TAF4B: variants seen among roughly 807,000 people sequenced by gnomAD.
TAF4B encodes TATA-box binding protein associated factor 4b.
Under a neutral mutation model 86.4 loss-of-function variants are expected in TAF4B, and 38 were observed. The observed-to-expected ratio is 0.44, with a 90% CI of 0.34 to 0.58. The LOEUF is 0.58. Among genes scored for constraint, TAF4B ranks in the 20% least tolerant of loss-of-function variants. The probability of loss-of-function intolerance (pLI) is 0.02; values close to 1 mark genes in which losing one functional copy is unlikely to be tolerated. For synonymous variants in TAF4B, 388 were observed against 391.2 expected (o/e 0.99, Z 0.10); for missense variants, 988 against 1,027.6 (o/e 0.96, Z 0.53).
intron 10 of TAF4B, among the ~76,000 whole-genome samples, chr18:26,320,546 T>A (rs2056953203): frequency 6.6e-6 from 1 of 152,220 alleles, no homozygotes; most frequent in Non-Finnish European, 1.5e-5. Flanking sequence ...TAAGTGAATA[T>A]ATCAGAACAT....
chr18:26,277,284 C>T (rs886740835), intron 5 of TAF4B, among the ~76,000 whole-genome samples: 2 of 152,076 alleles, frequency 1.3e-5, no homozygotes, highest in African/African-American at 4.8e-5. Flanking sequence ...CAGGGTCTTG[C>T]TATGTTGCTC....
chr18:26,369,042 C>T (rs1221024772), intron 14 of TAF4B, among the ~76,000 whole-genome samples: 2 of 152,028 alleles, frequency 1.3e-5, no homozygotes, highest in African/African-American at 2.4e-5. Flanking sequence ...GGCATTCTTT[C>T]TGAGAAAAAT....
chr18:26,317,026 ATTT>A (rs34772122), intron 10 of TAF4B, among the ~76,000 whole-genome samples: 11 of 117,154 alleles, frequency 9.4e-5, no homozygotes, highest in Admixed American at 1.8e-4. Context: ...CTCCCTTCCG[ATTT>A]TTTTTTTTTT....
intron 13 of TAF4B, among the ~76,000 whole-genome samples, chr18:26,351,540 AGAT>A (rs2057246139): frequency 6.6e-6 from 1 of 152,208 alleles, no homozygotes; most frequent in Non-Finnish European, 1.5e-5. Flanking sequence ...TAAATATCTG[AGAT>A]GATGGGTATA....
chr18:26,378,206 G>A (rs866965066), intron 14 of TAF4B, among the ~76,000 whole-genome samples: 2 of 152,088 alleles, frequency 1.3e-5, no homozygotes, highest in African/African-American at 4.8e-5. Flanking sequence ...ATTGCACATC[G>A]TGAGGGGGCA....
At chr18:26,341,488 T>G (rs1030809640) in intron 13 of TAF4B, among the ~76,000 whole-genome samples, 1 of 152,210 alleles carries the variant, frequency 6.6e-6, no homozygotes, top group Non-Finnish European at 1.5e-5. Context: ...ATTTATATTT[T>G]ACACAATTTA....
chr18:26,340,869 C>T (rs942622548), intron 13 of TAF4B, among the ~76,000 whole-genome samples: 1 of 152,094 alleles, frequency 6.6e-6, no homozygotes, highest in African/African-American at 2.4e-5. Context: ...CATTTATCAT[C>T]CAATTATCAT....
intron 1 of TAF4B, chr18:26,255,619 G>T: frequency 5.5e-5 from 24 of 438,814 alleles, no homozygotes; most frequent in Non-Finnish European, 8.5e-5. Flanking sequence ...AAAAAAAAAA[G>T]AGGGTCAGTT....
intron 1 of TAF4B, among the ~76,000 whole-genome samples, chr18:26,252,705 C>T (rs930729210): frequency 5.3e-5 from 8 of 152,066 alleles, no homozygotes; most frequent in African/African-American, 1.9e-4. Context: ...CGTTTGTGTT[C>T]AGGTAACCCT....
chr18:26,341,908 T>G (rs1208265278), intron 13 of TAF4B, among the ~76,000 whole-genome samples: 3 of 151,966 alleles, frequency 2.0e-5, no homozygotes, highest in Non-Finnish European at 4.4e-5. Context: ...TTTTTTTTCC[T>G]GTTTGTTTGT....
At chr18:26,279,018 G>T (rs1363091932) in intron 5 of TAF4B, among the ~76,000 whole-genome samples, 1 of 151,468 alleles carries the variant, frequency 6.6e-6, no homozygotes, top group Non-Finnish European at 1.5e-5. Context: ...ATTGGAAGTT[G>T]TAGCCAGAGC....
At chr18:26,227,459 G>T (rs1290105969) in intron 1 of TAF4B, among the ~76,000 whole-genome samples, 183 bp downstream of exon 1, 1 of 152,184 alleles carries the variant, frequency 6.6e-6, no homozygotes, top group East Asian at 1.9e-4. Context: ...TTTAAGGAAA[G>T]AATCTTTTCA....
chr18:26,255,642 G>A (rs2056072826), intron 1 of TAF4B: 3 of 958,668 alleles, frequency 3.1e-6, no homozygotes, highest in Admixed American at 4.8e-5. Context: ...TTGCTTTGTG[G>A]TCTTCAAAAT....
At chr18:26,339,172 C>G (rs529325464) in intron 13 of TAF4B, among the ~76,000 whole-genome samples, 9 of 152,312 alleles carry the variant, frequency 5.9e-5, no homozygotes, top group African/African-American at 1.9e-4. Context: ...TAAGCGTCCT[C>G]TCTCTTTTTC....
At chr18:26,374,942 TA>T (rs1217091602) in intron 14 of TAF4B, among the ~76,000 whole-genome samples, 2 of 152,194 alleles carry the variant, frequency 1.3e-5, no homozygotes, top group Admixed American at 6.5e-5. Context: ...TCATGTACAA[TA>T]AATTCACTTT....
intron 9 of TAF4B, among the ~76,000 whole-genome samples, chr18:26,293,976 G>T (rs983106869): frequency 6.6e-6 from 1 of 152,210 alleles, no homozygotes; most frequent in South Asian, 2.1e-4. Flanking sequence ...AATATTAGAC[G>T]ATGGTTCTTT....
chr18:26,379,458 C>A (rs1037384473), intron 14 of TAF4B, among the ~76,000 whole-genome samples: 13 of 152,134 alleles, frequency 8.5e-5, no homozygotes, highest in African/African-American at 2.9e-4. Flanking sequence ...TTAGAGAAGG[C>A]TTTCCCCATT....
At chr18:26,256,169 C>T (rs914354564) in intron 1 of TAF4B, 11 of 1,610,700 alleles carry the variant, frequency 6.8e-6, no homozygotes, top group Non-Finnish European at 9.3e-6. Context: ...GCAACTTCTT[C>T]CATCTTTTCA....
At chr18:26,387,498 T>C (rs995845509) in intron 14 of TAF4B, among the ~76,000 whole-genome samples, 1 of 152,208 alleles carries the variant, frequency 6.6e-6, no homozygotes, top group African/African-American at 2.4e-5. Context: ...ATTTTGATGG[T>C]AATAATTTAC....
Sources: allele counts gnomAD v4.1 joint callset (sites outside exome capture counted in the v4.1 genomes callset), GRCh38; gene constraint gnomAD v4.1.1; transcripts MANE v1.5; gene names NCBI Gene and HGNC (gene_info 2026-07-23, HGNC 2026-07-21).